VPS41: variants seen among roughly 807,000 people sequenced by gnomAD.
VPS41 encodes VPS41 subunit of HOPS complex, also known as vacuolar protein sorting-associated protein 41 homolog.
In VPS41, 85 loss-of-function variants were observed where a neutral mutation model predicts 130.9. That is an observed-to-expected ratio of 0.65 (90% CI 0.55 to 0.78). The LOEUF (loss-of-function observed/expected upper bound fraction) is 0.78. Among genes scored for constraint, VPS41 ranks in the 30% least tolerant of loss-of-function variants. VPS41 has a pLI of 0.00. For missense variants in VPS41, 874 were observed against 1,018.7 expected (o/e 0.86, Z 1.93); for synonymous variants, 335 against 332.9 (o/e 1.01, Z -0.07).
chr7:38,870,501 C>A (rs1170256492), intron 2 of VPS41, among the ~76,000 whole-genome samples: 2 of 151,874 alleles, frequency 1.3e-5, no homozygotes, highest in African/African-American at 2.4e-5. Context: ...AGGTATATAA[C>A]CCCCAACATA....
intron 27 of VPS41, among the ~76,000 whole-genome samples, chr7:38,727,411 C>A (rs1795568584): frequency 6.6e-6 from 1 of 152,216 alleles, no homozygotes. Flanking sequence ...GTTACAAGCC[C>A]AGGCTGTGGT....
chr7:38,905,157 G>GCCC (rs1423841502), intron 1 of VPS41, among the ~76,000 whole-genome samples: 2 of 152,080 alleles, frequency 1.3e-5, no homozygotes, highest in Non-Finnish European at 2.9e-5. Context: ...TACCTATAAA[G>GCCC]CACTAGCCCT....
At chr7:38,730,455 C>T (rs1401362368) in intron 25 of VPS41, among the ~76,000 whole-genome samples, 1 of 152,122 alleles carries the variant, frequency 6.6e-6, no homozygotes, top group African/African-American at 2.4e-5. Context: ...AAGTTCTATG[C>T]CTGCCATTTC....
In VPS41 at chr7:38,728,777, T is replaced by C. The variant is rs765299353; in HGVS notation, c.2274A>G (p.Glu758=). Residue 758 remains glutamate, a synonymous_variant, in exon 26 of 29, where the codon GAA becomes GAG. Transcript: ENST00000310301. Reference sequence around the variant, plus strand: ...CAGCTACGAGAATCTTCTTGCAGCCTTCACGAAGCAGAATCTAATGCATAC... The same window carrying C: ...CAGCTACGAGAATCTTCTTGCAGCCCTCACGAAGCAGAATCTAATGCATAC... The part of the protein sequence containing the change: ...QDYNLQILLR[E]GCKKILVADS... The C allele has an allele frequency of 6.2e-7, 1 of 1,614,166 alleles. No individual in the cohort carries two copies. Among genetic ancestry groups the C allele is most frequent in the South Asian group, 1.1e-5 (1 of 91,084 alleles).
chr7:38,832,396 T>C (rs1785408544), intron 4 of VPS41, among the ~76,000 whole-genome samples: 2 of 146,746 alleles, frequency 1.4e-5, no homozygotes, highest in Admixed American at 1.4e-4. Context: ...CTCAGCTCAC[T>C]GCAACCTCGC....
chr7:38,751,124 A>G (rs541844111), intron 22 of VPS41, among the ~76,000 whole-genome samples: 98 of 152,362 alleles, frequency 6.4e-4, no homozygotes, highest in Non-Finnish European at 1.2e-3. Flanking sequence ...ATTTTTTTCA[A>G]TAATTGTGGA....
chr7:38,756,879 T>C lies in VPS41; in HGVS notation c.1654A>G (p.Ile552Val), dbSNP rs1342029511. Residue 552 changes from isoleucine to valine, a missense_variant, in exon 19 of 29, where the codon ATC (isoleucine) becomes GTC (valine). Physicochemically the swap from Ile to Val is conservative, Grantham distance 29. Transcript: ENST00000310301. ...ATTAATAAAACAATTTTATCCTTGA[T>C]AGAACTGAAAAGATTATGCTTGTGG... ...LIHKHNLFSSIKDKIVLLMDF... is the reference protein window; with the variant it reads ...LIHKHNLFSSVKDKIVLLMDF... 6 of 1,595,910 alleles carry C rather than the reference T, an allele frequency of 3.8e-6. No individual in the cohort carries two copies. The highest frequency in any genetic ancestry group is 5.1e-6 in the Non-Finnish European group (6 of 1,166,414).
At position 38,873,259 on chromosome 7, in the gene VPS41, A is replaced by G. The variant is rs190410375; in HGVS notation, c.61-4006T>C. On this transcript the variant is annotated intron_variant, in intron 2 of 28. Coordinates refer to ENST00000310301, the MANE Select transcript of VPS41 (RefSeq NM_014396.4). ...CGGGTATCTTTTATGTTAAGTTAAA[A>G]GTAGGGTAAAGGTGAATTTTTTAAG... Among the ~76,000 whole-genome samples, 6 of 152,240 alleles carry G rather than the reference A, an allele frequency of 3.9e-5. No individual in the cohort carries two copies. The East Asian group carries it at 1.2e-3, about 29-fold the overall frequency.
chr7:38,888,006 C>A (rs186778681), intron 2 of VPS41, among the ~76,000 whole-genome samples: 2 of 152,122 alleles, frequency 1.3e-5, no homozygotes, highest in Non-Finnish European at 2.9e-5. Context: ...ATCAGGCCTG[C>A]ATTACAAGAG....
At chr7:38,891,859 C>A (rs2116417817) in intron 2 of VPS41, among the ~76,000 whole-genome samples, 1 of 152,098 alleles carries the variant, frequency 6.6e-6, no homozygotes, top group Non-Finnish European at 1.5e-5. Flanking sequence ...TTATACAAAG[C>A]AAATGAATGC....
chr7:38,812,368 T>G (rs1431918437), intron 7 of VPS41, among the ~76,000 whole-genome samples: 7 of 152,118 alleles, frequency 4.6e-5, no homozygotes, highest in Admixed American at 4.6e-4. Flanking sequence ...TGGACTCCTG[T>G]CTTACATCAT....
intron 4 of VPS41, among the ~76,000 whole-genome samples, chr7:38,830,562 T>G (rs1247740193): frequency 2.6e-5 from 4 of 152,198 alleles, no homozygotes; most frequent in Non-Finnish European, 5.9e-5. Flanking sequence ...TAAAATGGTT[T>G]GGCTTGATGA....
At chr7:38,757,792 C>T (rs539177606) in intron 18 of VPS41, among the ~76,000 whole-genome samples, 1 of 152,154 alleles carries the variant, frequency 6.6e-6, no homozygotes, top group East Asian at 1.9e-4. Flanking sequence ...TTCCCTAGAT[C>T]GAAGTACTTG....
At chr7:38,773,046 A>C (rs918752172) in intron 12 of VPS41, among the ~76,000 whole-genome samples, 1 of 152,160 alleles carries the variant, frequency 6.6e-6, no homozygotes, top group Non-Finnish European at 1.5e-5. Context: ...ACTGTATATA[A>C]ATTTTATTTG....
intron 2 of VPS41, among the ~76,000 whole-genome samples, chr7:38,882,093 A>G (rs1486057695): frequency 1.3e-5 from 2 of 152,010 alleles, no homozygotes; most frequent in Non-Finnish European, 2.9e-5. Context: ...TGCCAACTCA[A>G]TCTCTCCTGA....
At chr7:38,737,142 G>A (rs991653966) in intron 25 of VPS41, among the ~76,000 whole-genome samples, 3 of 152,156 alleles carry the variant, frequency 2.0e-5, no homozygotes, top group Admixed American at 6.5e-5. Flanking sequence ...TTGGGAGGCC[G>A]AGGCAGGCGG....
At chr7:38,829,727 A>G (rs530759021) in intron 5 of VPS41, among the ~76,000 whole-genome samples, 2 of 152,338 alleles carry the variant, frequency 1.3e-5, no homozygotes, top group East Asian at 3.9e-4. Context: ...AGGTTTTTAG[A>G]AAACTGTACA....
intron 7 of VPS41, among the ~76,000 whole-genome samples, chr7:38,805,749 A>G (rs950046866): frequency 2.0e-4 from 31 of 152,222 alleles, no homozygotes; most frequent in Non-Finnish European, 1.5e-4. Context: ...GGGCAGACTC[A>G]CATCTACATG....
Position 38,754,771 on chromosome 7 carries a change from T to C in VPS41, c.1738-19A>G. 2.5e-6 allele frequency: 4 copies of C among 1,610,284 alleles called. No individual in the cohort carries two copies. Among genetic ancestry groups the C allele is most frequent in the Non-Finnish European group, 3.4e-6 (4 of 1,177,186 alleles). The stretch of plus-strand genomic sequence containing the variant: ...TTTTAATCTAGATAAAAAAGAAAAG[T>C]TTCAAGGTGGAGTCATGAGGACAGA... On this transcript the variant is annotated intron_variant, in intron 20 of 28. Transcript: ENST00000310301.
Sources: gnomAD v4.1 joint callset for allele counts (sites outside exome capture counted in the v4.1 genomes callset) on GRCh38, gnomAD v4.1.1 for gene constraint, MANE v1.5 for transcripts, NCBI Gene and HGNC (gene_info 2026-07-23, HGNC 2026-07-21) for gene names.